Variants in YBX2 observed in about 807,000 individuals in gnomAD.
YBX2 encodes Y-box binding protein 2, also known as Y-box-binding protein 2.
Under a neutral mutation model 44.4 loss-of-function variants are expected in YBX2, and 5 were observed. That is an observed-to-expected ratio of 0.11 (90% CI 0.06 to 0.24). The LOEUF (loss-of-function observed/expected upper bound fraction) is 0.24. Ranked by LOEUF, YBX2 falls within the 10% of genes least tolerant of loss-of-function variation. YBX2 has a pLI of 1.00. For synonymous variants in YBX2, 188 were observed against 216.1 expected (o/e 0.87, Z 1.14); for missense variants, 417 against 526.9 (o/e 0.79, Z 2.04).
chr17:7,289,686 T>A lies in YBX2; in HGVS notation c.888A>T (p.Glu296Asp). The A allele has an allele frequency of 6.2e-7, 1 of 1,614,094 alleles. No individual in the cohort carries two copies. ...RPRPRQQPTT[E>D]GGDGETKPSQ... is the part of the protein sequence containing the mutation. ...TGGGCTTGGTCTCACCATCCCCACC[T>A]TCTGTGGTAGGCTGCTGGCGTGGCC... Residue 296 changes from glutamate (E) to aspartate (D), a missense_variant, in exon 7 of 9, where the codon GAA becomes GAT. Glu to Asp is a conservative substitution (Grantham distance 45). Around this residue, in one of 3 missense-constraint regions of YBX2, gnomAD observed 257 missense variants for 261.7 expected, o/e 0.98. Coordinates refer to ENST00000007699, the MANE Select transcript of YBX2 (RefSeq NM_015982.4).
chr17:7,288,901 C>CAG lies in YBX2; in HGVS notation c.1045-65_1045-64dup. 3 of 1,601,076 alleles carry CAG rather than the reference C, an allele frequency of 1.9e-6. No homozygotes were observed. The South Asian group carries it at 3.3e-5, about 18-fold the overall frequency. ...TTGTTTTTGAGACAGAGTCTCACTCCAGGTTGGATGGAGTACAGTGGCGTG... is the reference window on the plus strand; with the variant it reads ...TTGTTTTTGAGACAGAGTCTCACTCCAGAGGTTGGATGGAGTACAGTGGCGTG... On this transcript the variant is annotated intron_variant, in intron 7 of 8. Coordinates refer to ENST00000007699, the MANE Select transcript of YBX2 (RefSeq NM_015982.4).
chr17:7,288,866 C>T, intron 7 of YBX2, 28 bp from the exon 8 acceptor site: 1 of 1,613,218 alleles, frequency 6.2e-7, no homozygotes, highest in Non-Finnish European at 8.5e-7. Context: ...CCAATTGAGA[C>T]TTGTTCTTTT....
At chr17:7,292,106 T>C (rs1452618592) in intron 2 of YBX2, 47 bp from the exon 3 acceptor site, 2 of 1,611,636 alleles carry the variant, frequency 1.2e-6, no homozygotes, top group African/African-American at 1.3e-5. Flanking sequence ...AACAAAGCCC[T>C]CAGCTCCTCA....
At chr17:7,289,424 G>C (rs2072481264) in intron 7 of YBX2, 106 bp downstream of exon 7, 3 of 1,500,366 alleles carry the variant, frequency 2.0e-6, no homozygotes, top group African/African-American at 2.8e-5. Flanking sequence ...CAGGGCCAGG[G>C]CAGGGGAGGG....
chr17:7,292,055 C>A lies in YBX2; in HGVS notation c.340G>T (p.Asp114Tyr). Residue 114 changes from aspartate (D) to tyrosine (Y), a missense_variant, in exon 3 of 9, where the codon GAC (aspartate) becomes TAC (tyrosine). Asp to Tyr is a radical substitution (Grantham distance 160). This residue lies in a region of YBX2 where 39 missense variants were observed against 123.8 expected (regional missense o/e 0.32). Coordinates refer to ENST00000007699, the MANE Select transcript of YBX2 (RefSeq NM_015982.4). The part of the protein sequence containing the change: ...RNGYGFINRN[D>Y]TKEDVFVHQT... ...TGAACAAAGACATCTTCCTTGGTGT[C>A]ATTCCTGCAGAACAGGATGGGTCGT... is the stretch of plus-strand genomic sequence containing the variant. 1 of 1,614,148 alleles carries A rather than the reference C, an allele frequency of 6.2e-7. No homozygotes were observed. The highest frequency in any genetic ancestry group is 1.1e-5 in the South Asian group (1 of 91,078).
Position 7,290,455 on chromosome 17 carries a change from G to T in YBX2, c.540C>A (p.Ser180=), listed in dbSNP as rs745313235. The T allele has an allele frequency of 1.9e-5, 30 of 1,614,076 alleles. No individual in the cohort carries two copies. The highest frequency in any genetic ancestry group is 2.5e-5 in the Non-Finnish European group (29 of 1,179,990). ...AGGGAGGCCGGGGGATGAATCGGCGGGACTTACGTCGGTTGGGGGCATAAC... is the reference window on the plus strand; with the variant it reads ...AGGGAGGCCGGGGGATGAATCGGCGTGACTTACGTCGGTTGGGGGCATAAC... ...GSRYAPNRRK[S]RRFIPRPPSV... The change falls in exon 5 of 9, where the codon TCC becomes TCA. Residue 180 remains serine, a synonymous_variant. Coordinates refer to ENST00000007699, the MANE Select transcript of YBX2 (RefSeq NM_015982.4).
At position 7,291,019 on chromosome 17, in the gene YBX2, CT is replaced by C; in HGVS notation, c.459+73del. ...GGGTCAGAGCTGGCCCCAGGAGGGT[CT>C]TAGCCTGTGATGACCTCCAGGCCAC... is the stretch of plus-strand genomic sequence containing the variant. On this transcript the variant is annotated intron_variant, in intron 4 of 8. Coordinates refer to ENST00000007699, the MANE Select transcript of YBX2 (RefSeq NM_015982.4). This position sits in a 1 kb window ranked among gnomAD's most constrained non-coding sequence, Gnocchi z 5.8. 1.0e-5 allele frequency: 15 copies of C among 1,484,208 alleles called. No homozygotes were observed. The South Asian group carries it at 1.6e-4, about 16-fold the overall frequency. The allele number at this position is 1,484,208 out of a possible 1,614,324, so 91.9% of individuals were successfully genotyped here.
chr17:7,293,084 T>G, intron 2 of YBX2: 1 of 301,970 alleles, frequency 3.3e-6, no homozygotes, highest in East Asian at 8.5e-5. Context: ...GGGAGTTGAG[T>G]TGTGAGTGCT....
Position 7,288,310 on chromosome 17 carries a change from T to C in YBX2, c.*373A>G, listed in dbSNP as rs533867720. On this transcript the variant is annotated 3_prime_UTR_variant, in exon 9 of 9. Coordinates refer to ENST00000007699, the MANE Select transcript of YBX2 (RefSeq NM_015982.4). ...GGCTCAGGTGGCACATGACAGATCATAAAATGGCTTCAGAGGTAGGGGGCC... is the reference window on the plus strand; with the variant it reads ...GGCTCAGGTGGCACATGACAGATCACAAAATGGCTTCAGAGGTAGGGGGCC... 20 of 170,660 alleles carry C rather than the reference T, an allele frequency of 1.2e-4. No homozygotes were observed. The highest frequency in any genetic ancestry group is 4.8e-4 in the African/African-American group (20 of 41,806). 10.6% of individuals were successfully genotyped at this position (170,660 alleles called of 1,614,324 possible).
chr17:7,289,107 C>G (rs1224607357), intron 7 of YBX2, among the ~76,000 whole-genome samples: 2 of 152,174 alleles, frequency 1.3e-5, no homozygotes, highest in Non-Finnish European at 2.9e-5. Flanking sequence ...ACTGATCTGC[C>G]TGCTTCTGCC....
intron 8 of YBX2, 52 bp from the exon 9 acceptor site, chr17:7,288,695 G>A (rs957578615): frequency 1.7e-5 from 24 of 1,452,030 alleles, no homozygotes; most frequent in East Asian, 2.3e-5. Flanking sequence ...ACTTGTCATC[G>A]CCACCCAGTA....
In YBX2 at chr17:7,294,044, C is replaced by T; in HGVS notation, c.271+186G>A. ...TGAACCTGCCGGCCCCGCCCTCTCT[C>T]CCAGGAAGGTACGGCAGGATTTCCC... On this transcript the variant is annotated intron_variant, in intron 1 of 8. Coordinates refer to ENST00000007699, the MANE Select transcript of YBX2 (RefSeq NM_015982.4). The surrounding 1 kb of genome is among the most constrained non-coding windows in gnomAD (Gnocchi z 4.6). 1 of 681,000 alleles carries T rather than the reference C, an allele frequency of 1.5e-6. No individual in the cohort carries two copies. Among genetic ancestry groups the T allele is most frequent in the African/African-American group, 1.9e-5 (1 of 53,726 alleles). The allele number at this position is 681,000 out of a possible 1,614,324, so 42.2% of individuals were successfully genotyped here.
At chr17:7,288,683 C>A in intron 8 of YBX2, 40 bp from the exon 9 acceptor site, 1 of 1,347,008 alleles carries the variant, frequency 7.4e-7, no homozygotes, top group Admixed American at 1.8e-5. Context: ...TGAACAACAG[C>A]GACTTGTCAT....
chr17:7,288,713 T>C (rs2072473255), intron 8 of YBX2, 36 bp downstream of exon 8: 3 of 1,580,238 alleles, frequency 1.9e-6, no homozygotes, highest in African/African-American at 1.3e-5. Context: ...GTACCTCACC[T>C]TCCTGGCCAC....
Position 7,288,742 on chromosome 17 carries a change from C to T in YBX2, c.*39+7G>A, listed in dbSNP as rs1251739229. On this transcript the variant is annotated splice_region_variant and intron_variant, in intron 8 of 8. Transcript: ENST00000007699. ...TGGCCACCCACCCAACTGCACCAGCCACTCACCAGATGGCAGCTCTGGGTG... is the reference window on the plus strand; with the variant it reads ...TGGCCACCCACCCAACTGCACCAGCTACTCACCAGATGGCAGCTCTGGGTG... 4 of 1,612,340 alleles carry T rather than the reference C, an allele frequency of 2.5e-6. No homozygotes were observed. The highest frequency in any genetic ancestry group is 2.2e-5 in the East Asian group (1 of 44,860).
At chr17:7,288,868 T>C in intron 7 of YBX2, 30 bp from the exon 8 acceptor site, 1 of 1,613,052 alleles carries the variant, frequency 6.2e-7, no homozygotes, top group Non-Finnish European at 8.5e-7. Flanking sequence ...AATTGAGACT[T>C]GTTCTTTTTG....
In YBX2 at chr17:7,294,360, GC is replaced by G; in HGVS notation, c.140del (p.Gly47AlafsTer114). 2 of 1,379,598 alleles carry G rather than the reference GC, an allele frequency of 1.4e-6. No individual in the cohort carries two copies. Among genetic ancestry groups the G allele is most frequent in the Non-Finnish European group, 9.4e-7 (1 of 1,065,660 alleles). 85.5% of individuals were successfully genotyped at this position (1,379,598 alleles called of 1,614,324 possible). On this transcript the variant is annotated frameshift_variant, in exon 1 of 9. Coordinates refer to ENST00000007699, the MANE Select transcript of YBX2 (RefSeq NM_015982.4). LOFTEE classifies it high-confidence loss of function. The surrounding 1 kb of genome is among the most constrained non-coding windows in gnomAD (Gnocchi z 4.6). The stretch of plus-strand genomic sequence containing the variant: ...CAGCAGCGGGGCCCGAGGCGGCTCC[GC>G]CCCCGCCGCCCGCCCCGCCGCCTTT... Reference protein sequence around the residue: ...PQKGGGAGGGGGAASGPAAGT... With the variant: ...PQKGGGAGGGXGAASGPAAGT...
rs566621148 is a variant in YBX2, at chr17:7,294,393, C to T, written c.108G>A (p.Glu36=). 2.1e-3 allele frequency: 2,951 copies of T among 1,432,188 alleles called. 7 individuals are homozygous for T. Among genetic ancestry groups the T allele is most frequent in the South Asian group, 2.6e-3 (193 of 73,706 alleles). 88.7% of individuals were successfully genotyped at this position (1,432,188 alleles called of 1,614,324 possible). Residue 36 remains glutamate, a synonymous_variant, in exon 1 of 9, where the codon GAG becomes GAA. Coordinates refer to ENST00000007699, the MANE Select transcript of YBX2 (RefSeq NM_015982.4). This position sits in a 1 kb window ranked among gnomAD's most constrained non-coding sequence, Gnocchi z 4.6. The part of the protein sequence containing the change: ...VAVVVPVPAG[E]PQKGGGAGGG... ...CGCCCGCCCCGCCGCCTTTCTGCGG[C>T]TCCCCTGCGGGCACCGGTACCACCA...
chr17:7,291,231 C>A lies in YBX2; in HGVS notation c.370-49G>T, dbSNP rs768259908. 6.3e-7 allele frequency: 1 copy of A among 1,577,922 alleles called. No homozygotes were observed. The highest frequency in any genetic ancestry group is 1.1e-5 in the South Asian group (1 of 90,168). ...AAAAGTGAGACAGCAAGACAGGAGTCTCTGTCACCCCTGCTGGGGCCACCA... is the reference window on the plus strand; with the variant it reads ...AAAAGTGAGACAGCAAGACAGGAGTATCTGTCACCCCTGCTGGGGCCACCA... On this transcript the variant is annotated intron_variant, in intron 3 of 8. Transcript: ENST00000007699. This position sits in a 1 kb window ranked among gnomAD's most constrained non-coding sequence, Gnocchi z 5.8.
Sources: allele counts gnomAD v4.1 joint callset (sites outside exome capture counted in the v4.1 genomes callset), GRCh38; gene constraint gnomAD v4.1.1; regional missense constraint gnomAD v4.1.1; non-coding constraint Gnocchi (gnomAD v3.1); transcripts MANE v1.5; gene names NCBI Gene and HGNC (gene_info 2026-07-23, HGNC 2026-07-21).